The following WDFY3 variants were observed in gnomAD, a reference collection of about 807,000 sequenced individuals.
WDFY3 encodes WD repeat and FYVE domain containing 3, also known as WD repeat and FYVE domain-containing protein 3.
WDFY3 carries 66 observed loss-of-function variants against 409.6 expected under a neutral mutation model. The ratio of observed to expected loss-of-function variants is 0.16; its 90% CI spans 0.13 to 0.20. The LOEUF is 0.20. Ranked by LOEUF, WDFY3 falls within the 10% of genes least tolerant of loss-of-function variation. The pLI, the probability that WDFY3 is intolerant of heterozygous loss-of-function variation, is 1.00. For missense variants in WDFY3, 3,031 were observed against 4,298.1 expected (o/e 0.71, Z 8.24); for synonymous variants, 1,521 against 1,537.1 (o/e 0.99, Z 0.25).
At chr4:84,941,656 T>C (rs1372865211) in intron 1 of WDFY3, among the ~76,000 whole-genome samples, 2 of 152,060 alleles carry the variant, frequency 1.3e-5, no homozygotes, top group Non-Finnish European at 2.9e-5. Context: ...GAGTAGACTT[T>C]CGTTTTTGGA....
In WDFY3 at chr4:84,741,980, ATCCTC is replaced by A; in HGVS notation, c.6074-64_6074-60del. On this transcript the variant is annotated intron_variant, in intron 37 of 67. Coordinates refer to ENST00000295888, the MANE Select transcript of WDFY3 (RefSeq NM_014991.6). Reference sequence around the variant, plus strand: ...TTGATATCTACCAACACAGGACCAGATCCTCAAAAAAAAAATCAGGCTAAGGTAAA... The same window carrying A: ...TTGATATCTACCAACACAGGACCAGAAAAAAAAAAATCAGGCTAAGGTAAA... The A allele has an allele frequency of 3.5e-6, 5 of 1,443,078 alleles. No homozygotes were observed. In the African/African-American group the frequency reaches 4.3e-5, roughly 12 times the overall value. The allele number at this position is 1,443,078 out of a possible 1,614,324, so 89.4% of individuals were successfully genotyped here.
chr4:84,938,122 G>T (rs571757276), intron 1 of WDFY3, among the ~76,000 whole-genome samples: 11 of 151,990 alleles, frequency 7.2e-5, no homozygotes, highest in Non-Finnish European at 5.9e-5. Flanking sequence ...AAATCTATGA[G>T]GGCAATGGTT....
intron 24 of WDFY3, among the ~76,000 whole-genome samples, chr4:84,785,176 C>T (rs1560754011): frequency 6.6e-6 from 1 of 151,998 alleles, no homozygotes; most frequent in Admixed American, 6.6e-5. Flanking sequence ...TTTACAATTG[C>T]CCCATGAATC....
chr4:84,924,034 T>C (rs966891074), intron 2 of WDFY3, among the ~76,000 whole-genome samples: 1 of 152,204 alleles, frequency 6.6e-6, no homozygotes, highest in East Asian at 1.9e-4. Flanking sequence ...GAAACATTTA[T>C]ATAAATAAAT....
At chr4:84,909,964 C>T (rs965793309) in intron 2 of WDFY3, among the ~76,000 whole-genome samples, 23 of 152,036 alleles carry the variant, frequency 1.5e-4, no homozygotes, top group Admixed American at 4.6e-4. Flanking sequence ...ATACTGTCAA[C>T]GAAATGAAAC....
intron 5 of WDFY3, chr4:84,844,530 G>A: frequency 3.9e-6 from 5 of 1,289,444 alleles, no homozygotes; most frequent in Non-Finnish European, 5.1e-6. Context: ...AAAAAGGCTG[G>A]GTTGTCTAAG....
chr4:84,946,846 G>A (rs1772905958), intron 1 of WDFY3, among the ~76,000 whole-genome samples: 1 of 149,402 alleles, frequency 6.7e-6, no homozygotes, highest in African/African-American at 2.5e-5. Flanking sequence ...TCGCTCTGTT[G>A]CCCAGGCTGG....
At chr4:84,812,561 C>T (rs1027126849) in intron 13 of WDFY3, among the ~76,000 whole-genome samples, 2 of 152,076 alleles carry the variant, frequency 1.3e-5, no homozygotes, top group African/African-American at 2.4e-5. Context: ...AGAGAAGTGC[C>T]CGGCATATAA....
intron 21 of WDFY3, among the ~76,000 whole-genome samples, chr4:84,790,237 C>T (rs1324835204): frequency 2.6e-5 from 4 of 151,984 alleles, no homozygotes; most frequent in African/African-American, 9.7e-5. Flanking sequence ...GTAGTTCCAG[C>T]TACTCGGGAG....
intron 21 of WDFY3, among the ~76,000 whole-genome samples, chr4:84,793,974 AAATT>A (rs1312478298): frequency 6.6e-6 from 1 of 152,234 alleles, no homozygotes. Flanking sequence ...TTTATATTTT[AAATT>A]ATTTATCATT....
intron 67 of WDFY3, among the ~76,000 whole-genome samples, chr4:84,674,528 C>A (rs1355845766): frequency 1.3e-5 from 2 of 151,812 alleles, no homozygotes; most frequent in South Asian, 2.1e-4. Flanking sequence ...TGTGATCGTG[C>A]CACTGTACTC....
chr4:84,683,914 C>T, intron 63 of WDFY3, 29 bp downstream of exon 63: 4 of 1,554,830 alleles, frequency 2.6e-6, no homozygotes, highest in Non-Finnish European at 3.5e-6. Flanking sequence ...GACAAATATC[C>T]TAATGAGTTT....
Position 84,786,118 on chromosome 4 carries a change from C to A in WDFY3, c.3923G>T (p.Gly1308Val). The A allele has an allele frequency of 6.2e-7, 1 of 1,602,962 alleles. No individual in the cohort carries two copies. Among genetic ancestry groups the A allele is most frequent in the Non-Finnish European group, 8.5e-7 (1 of 1,175,900 alleles). ...TAATGACACAGGGGATGGCACCACCCCTTCGGATTTTGCATCTTTACCTTC... is the reference window on the plus strand; with the variant it reads ...TAATGACACAGGGGATGGCACCACCACTTCGGATTTTGCATCTTTACCTTC... ...CMPCKDAKSEGVVPSPVSLVP... is the reference protein window; with the variant it reads ...CMPCKDAKSEVVVPSPVSLVP... Residue 1308 changes from glycine (G) to valine (V), a missense_variant, in exon 24 of 68, where the codon GGG (glycine) becomes GTG (valine). Transcript: ENST00000295888.
intron 9 of WDFY3, 57 bp downstream of exon 9, chr4:84,828,947 T>G: frequency 6.8e-7 from 1 of 1,461,728 alleles, no homozygotes; most frequent in East Asian, 2.4e-5. Flanking sequence ...ATTGTTTTCT[T>G]TGATAAAAAA....
At chr4:84,701,144 A>G (rs2148927190) in intron 56 of WDFY3, among the ~76,000 whole-genome samples, 1 of 152,322 alleles carries the variant, frequency 6.6e-6, no homozygotes, top group Non-Finnish European at 1.5e-5. Context: ...TTCACAGTCA[A>G]AGGCTATAGC....
At position 84,820,976 on chromosome 4, in the gene WDFY3, C is replaced by T. The variant is rs144413661; in HGVS notation, c.1591+108G>A. 5.6e-5 allele frequency: 61 copies of T among 1,092,550 alleles called. No homozygotes were observed. In the East Asian group the frequency reaches 1.1e-3, roughly 19 times the overall value. The allele number at this position is 1,092,550 out of a possible 1,614,324, so 67.7% of individuals were successfully genotyped here. A position where few individuals can be genotyped will look rare whatever the true frequency, so the allele number is the denominator to read the frequency against. ...TTCACTAATATGTCACAATAATGCA[C>T]ATTAGGAAGTCATTGAAATCAATAA... On this transcript the variant is annotated intron_variant, in intron 11 of 67. Coordinates refer to ENST00000295888, the MANE Select transcript of WDFY3 (RefSeq NM_014991.6).
rs1752261159 is a variant in WDFY3 at position 84,810,248 on chromosome 4, C to T, written c.1984G>A (p.Glu662Lys). ...TTGGGTGGACAGCTCAAAGATCTTT[C>T]CATAGCAACGAGCAAGGATGTAATG... is the stretch of plus-strand genomic sequence containing the variant. ...VYITSLLVAM[E>K]RSLSCPPKNG... The change falls in exon 14 of 68, where the codon GAA becomes AAA. Residue 662 changes from glutamate (E) to lysine (K), a missense_variant. Coordinates refer to ENST00000295888, the MANE Select transcript of WDFY3 (RefSeq NM_014991.6). The T allele has an allele frequency of 6.2e-7, 1 of 1,614,060 alleles. No individual in the cohort carries two copies. Among genetic ancestry groups the T allele is most frequent in the East Asian group, 2.2e-5 (1 of 44,886 alleles).
intron 43 of WDFY3, among the ~76,000 whole-genome samples, chr4:84,733,837 G>C (rs1256756081): frequency 6.6e-6 from 1 of 152,182 alleles, no homozygotes; most frequent in Non-Finnish European, 1.5e-5. Flanking sequence ...GGATAGGGTA[G>C]AGTGTGCAAT....
At chr4:84,900,072 G>A (rs1766145895) in intron 2 of WDFY3, among the ~76,000 whole-genome samples, 1 of 151,818 alleles carries the variant, frequency 6.6e-6, no homozygotes, top group Non-Finnish European at 1.5e-5. Flanking sequence ...GAAAGAAAAA[G>A]AAATGAAATG....
Sources: gnomAD v4.1 joint callset for allele counts (sites outside exome capture counted in the v4.1 genomes callset) on GRCh38, gnomAD v4.1.1 for gene constraint, MANE v1.5 for transcripts, NCBI Gene and HGNC (gene_info 2026-07-23, HGNC 2026-07-21) for gene names.